THPO: variants seen among roughly 807,000 people sequenced by gnomAD.
THPO encodes the protein MPL ligand.
THPO carries 12 observed loss-of-function variants against 17.0 expected under a neutral mutation model. That is an observed-to-expected ratio of 0.71 (90% CI 0.45 to 1.14). THPO has a LOEUF of 1.14. Ranked by LOEUF, THPO falls within the 50% of genes most tolerant of loss-of-function variation. THPO has a pLI of 0.00. For synonymous variants in THPO, 188 were observed against 183.0 expected (o/e 1.03, Z -0.22); for missense variants, 365 against 427.5 (o/e 0.85, Z 1.29).
At chr3:184,379,658 C>A (rs1352848070), upstream of THPO, among the ~76,000 whole-genome samples, 2 of 152,150 alleles carry the variant, frequency 1.3e-5, no homozygotes, top group Non-Finnish European at 2.9e-5. Flanking sequence ...TCCTCGCTCA[C>A]AGAGCGGTCC....
chr3:184,375,559 G>A lies in THPO; in HGVS notation c.184C>T (p.Leu62=). The change falls in exon 4 of 6, where the codon CTG becomes TTG. Residue 62 remains leucine (L), a synonymous_variant. Transcript: ENST00000647395. ...CCCAAGCTAAAGTCCACAGCAGGCA[G>A]CAGGACAGGTGTAGGCAAAGGGTGA... ...EVHPLPTPVL[L]PAVDFSLGEW... 2.5e-6 allele frequency: 4 copies of A among 1,614,202 alleles called. No homozygotes were observed. Among genetic ancestry groups the A allele is most frequent in the Non-Finnish European group, 3.4e-6 (4 of 1,180,036 alleles).
In THPO at chr3:184,372,869, T is replaced by A. The variant is rs1314113189; in HGVS notation, c.706A>T (p.Thr236Ser). Residue 236 changes from threonine to serine, a missense_variant, in exon 6 of 6, where the codon ACC (threonine) becomes TCC (serine). Transcript: ENST00000647395. ...GGGATTTGGTCCAGGGACCTGGAGGTTTGGTTCAGCAGACCAGGAATCTTG... is the reference window on the plus strand; with the variant it reads ...GGGATTTGGTCCAGGGACCTGGAGGATTGGTTCAGCAGACCAGGAATCTTG... ...RAKIPGLLNQ[T>S]SRSLDQIPGY... is the part of the protein sequence containing the mutation. 1 of 1,613,596 alleles carries A rather than the reference T, an allele frequency of 6.2e-7. No homozygotes were observed. The highest frequency in any genetic ancestry group is 1.3e-5 in the African/African-American group (1 of 74,784).
chr3:184,376,237 G>T lies in THPO; in HGVS notation c.13+10C>A, dbSNP rs73053784. On this transcript the variant is annotated intron_variant, in intron 2 of 5. Coordinates refer to ENST00000647395, the MANE Select transcript of THPO (RefSeq NM_000460.4). ...TCCATATGGCCCTAGCCCCTCAGGT[G>T]TGTTCTCACCAGTCAGCTCCATTCT... The T allele has an allele frequency of 6.2e-7, 1 of 1,614,124 alleles. No homozygotes were observed. The highest frequency in any genetic ancestry group is 2.2e-5 in the East Asian group (1 of 44,876).
upstream of THPO, chr3:184,378,296 G>A: frequency 3.0e-6 from 3 of 985,530 alleles, no homozygotes; most frequent in Non-Finnish European, 2.4e-6. Flanking sequence ...CTGGACCAGG[G>A]TCCACTCCTC....
rs1433560104 is a variant in THPO at position 184,372,367 on chromosome 3, C to G, written c.*146G>C. Reference sequence around the variant, plus strand: ...TTATAATGTACAGTGAAAAATGATTCCCTTTTCAGTCCTGTGTATCCCTTT... The same window carrying G: ...TTATAATGTACAGTGAAAAATGATTGCCTTTTCAGTCCTGTGTATCCCTTT... On this transcript the variant is annotated 3_prime_UTR_variant, in exon 6 of 6. Coordinates refer to ENST00000647395, the MANE Select transcript of THPO (RefSeq NM_000460.4). The G allele has an allele frequency of 2.1e-6, 2 of 955,044 alleles. No individual in the cohort carries two copies. The highest frequency in any genetic ancestry group is 1.6e-5 in the African/African-American group (1 of 61,384). The allele number at this position is 955,044 out of a possible 1,614,324, so 59.2% of individuals were successfully genotyped here.
chr3:184,375,906 A>C lies in THPO; in HGVS notation c.123T>G (p.His41Gln). 6.2e-7 allele frequency: 1 copy of C among 1,613,428 alleles called. No individual in the cohort carries two copies. Among genetic ancestry groups the C allele is most frequent in the Non-Finnish European group, 8.5e-7 (1 of 1,179,840 alleles). ...RVLSKLLRDS[H>Q]VLHSRLSQCP... The stretch of plus-strand genomic sequence containing the variant: ...TTCTCACCAGTCTGCTGTGAAGGAC[A>C]TGGGAGTCACGAAGCAGTTTACTGA... Residue 41 changes from histidine to glutamine, a missense_variant, in exon 3 of 6, where the codon CAT (histidine) becomes CAG (glutamine). Coordinates refer to ENST00000647395, the MANE Select transcript of THPO (RefSeq NM_000460.4).
Position 184,372,631 on chromosome 3 carries a change from G to T in THPO, c.944C>A (p.Thr315Asn), listed in dbSNP as rs562029329. Residue 315 changes from threonine to asparagine, a missense_variant, in exon 6 of 6, where the codon ACC becomes AAC. Thr to Asn is a moderately conservative substitution (Grantham distance 65). Coordinates refer to ENST00000647395, the MANE Select transcript of THPO (RefSeq NM_000460.4). ...CAGGGGGTGGAGCTGGACCACAGGG[G>T]TGGGCAAGGTGGGTGGAAGAGGGAA... The part of the protein sequence containing the change: ...TLFPLPPTLP[T>N]PVVQLHPLLP... The T allele has an allele frequency of 4.3e-6, 7 of 1,613,202 alleles. No individual in the cohort carries two copies. The highest frequency in any genetic ancestry group is 1.3e-5 in the African/African-American group (1 of 74,870).
chr3:184,376,276 G>A lies in THPO; in HGVS notation c.-17C>T, dbSNP rs773448302. 2 of 1,614,238 alleles carry A rather than the reference G, an allele frequency of 1.2e-6. No homozygotes were observed. The highest frequency in any genetic ancestry group is 2.2e-5 in the South Asian group (2 of 91,086). ...CAGCTCCATTCTGGCCGGGGTGTCT[G>A]GCTGGCGTGGCTCCCTGTTTGGGGC... On this transcript the variant is annotated 5_prime_UTR_variant, in exon 2 of 6. Coordinates refer to ENST00000647395, the MANE Select transcript of THPO (RefSeq NM_000460.4).
rs73053784 is a variant in THPO, at chr3:184,376,237, G to A, written c.13+10C>T. ...TCCATATGGCCCTAGCCCCTCAGGT[G>A]TGTTCTCACCAGTCAGCTCCATTCT... On this transcript the variant is annotated intron_variant, in intron 2 of 5. Transcript: ENST00000647395. 3.1e-6 allele frequency: 5 copies of A among 1,614,124 alleles called. No homozygotes were observed. The African/African-American group carries it at 5.3e-5, about 17-fold the overall frequency.
rs367958569 is a variant in THPO, at chr3:184,373,385, T to G, written c.396+30A>C. On this transcript the variant is annotated intron_variant, in intron 5 of 5. Coordinates refer to ENST00000647395, the MANE Select transcript of THPO (RefSeq NM_000460.4). ...GGGGGACTGAGTCAGAAAAGAACAG[T>G]TTCTACAGATCCCTTGACTGGGGAC... 2.9e-5 allele frequency: 46 copies of G among 1,613,540 alleles called. No individual in the cohort carries two copies. In the African/African-American group the frequency reaches 5.7e-4, roughly 20 times the overall value.
At chr3:184,375,040 G>A (rs1013288002) in intron 4 of THPO, among the ~76,000 whole-genome samples, 2 of 152,100 alleles carry the variant, frequency 1.3e-5, no homozygotes, top group African/African-American at 4.8e-5. Context: ...TGCCTGCCTC[G>A]GCCTCCCAAA....
At chr3:184,375,706 C>G (rs560160516) in intron 3 of THPO, 105 bp from the exon 4 acceptor site, 237 of 1,469,776 alleles carry the variant, frequency 1.6e-4, no homozygotes, top group Admixed American at 1.2e-4. Flanking sequence ...TAGACGAGAG[C>G]TTTTAAATGC....
chr3:184,378,937 C>T (rs1196791461), upstream of THPO: 2 of 846,702 alleles, frequency 2.4e-6, no homozygotes, highest in Admixed American at 6.2e-5. Flanking sequence ...CTGGACCTCC[C>T]CCGCAAATAC....
At chr3:184,377,948 A>G (rs1213090056) in intron 1 of THPO, 127 bp downstream of exon 1, 31 of 706,794 alleles carry the variant, frequency 4.4e-5, no homozygotes, top group Non-Finnish European at 5.2e-5. Context: ...TGGGAAGGCT[A>G]CACTCTTCTC....
In THPO at chr3:184,378,125, G is replaced by A; in HGVS notation, c.-196C>T. The A allele has an allele frequency of 2.0e-6, 2 of 985,618 alleles. No individual in the cohort carries two copies. Among genetic ancestry groups the A allele is most frequent in the Non-Finnish European group, 2.4e-6 (2 of 830,058 alleles). The allele number at this position is 985,618 out of a possible 1,614,324, so 61.1% of individuals were successfully genotyped here. On this transcript the variant is annotated 5_prime_UTR_variant, in exon 1 of 6. Transcript: ENST00000647395. ...AAGTGCACAGCAGGCAGCCCTCTGG[G>A]GAGCAGATGGGTAGGAAGACATGTG...
Position 184,372,403 on chromosome 3 carries a change from T to C in THPO, c.*110A>G. 2 of 1,342,442 alleles carry C rather than the reference T, an allele frequency of 1.5e-6. No individual in the cohort carries two copies. Among genetic ancestry groups the C allele is most frequent in the South Asian group, 2.4e-5 (2 of 84,598 alleles). 83.2% of individuals were successfully genotyped at this position (1,342,442 alleles called of 1,614,324 possible). On this transcript the variant is annotated 3_prime_UTR_variant, in exon 6 of 6. Transcript: ENST00000647395. ...CCTGTGTATCCCTTTTACCAGGGCT[T>C]TGGGTTTCAGGAGAAAGTAGGAAAT...
At chr3:184,379,286 A>G (rs75953780), upstream of THPO, among the ~76,000 whole-genome samples, 10 of 151,724 alleles carry the variant, frequency 6.6e-5, no homozygotes, top group East Asian at 1.7e-3. Context: ...ATGACCAGGG[A>G]ACCAAGAGAA....
At position 184,376,381 on chromosome 3, in the gene THPO, C is replaced by T. The variant is rs561631364; in HGVS notation, c.-122G>A. 199 of 1,608,440 alleles carry T rather than the reference C, an allele frequency of 1.2e-4. No homozygotes were observed. Among genetic ancestry groups the T allele is most frequent in the South Asian group, 1.1e-3 (96 of 90,810 alleles). ...TGGGCAGAGTAGGGTGGGGCAAAGG[C>T]GGGCCAAGGGTGAAGAATCTATCCT... is the stretch of plus-strand genomic sequence containing the variant. On this transcript the variant is annotated 5_prime_UTR_variant, in exon 2 of 6. Transcript: ENST00000647395.
Position 184,373,103 on chromosome 3 carries a change from C to T in THPO, c.472G>A (p.Gly158Arg). ...IFLSFQHLLR[G>R]KVRFLMLVGG... ...ACAAGCATCAGGAAACGCACCTTTC[C>T]TCGGAGCAGGTGTTGGAAGCTCAGG... Residue 158 changes from glycine to arginine, a missense_variant, in exon 6 of 6, where the codon GGA becomes AGA. Coordinates refer to ENST00000647395, the MANE Select transcript of THPO (RefSeq NM_000460.4). 7.4e-6 allele frequency: 12 copies of T among 1,613,926 alleles called. No individual in the cohort carries two copies. The highest frequency in any genetic ancestry group is 1.0e-5 in the Non-Finnish European group (12 of 1,180,034).
Sources: allele counts gnomAD v4.1 joint callset (sites outside exome capture counted in the v4.1 genomes callset), GRCh38; gene constraint gnomAD v4.1.1; transcripts MANE v1.5; gene names NCBI Gene and HGNC (gene_info 2026-07-23, HGNC 2026-07-21).